The following CCDC138 variants were observed in gnomAD, a reference collection of about 807,000 sequenced individuals.
The protein encoded by CCDC138 is coiled-coil domain-containing protein 138.
Under a neutral mutation model 82.3 loss-of-function variants are expected in CCDC138, and 66 were observed. The ratio of observed to expected loss-of-function variants is 0.80; its 90% confidence interval spans 0.66 to 0.98. The LOEUF is 0.98. Among genes scored for constraint, CCDC138 ranks in the 50% least tolerant of loss-of-function variants. The probability of loss-of-function intolerance (pLI) is 0.00; values close to 1 mark genes in which losing one functional copy is unlikely to be tolerated. For missense variants in CCDC138, 816 were observed against 758.9 expected (o/e 1.08, Z -0.88); for synonymous variants, 297 against 265.4 (o/e 1.12, Z -1.16).
intron 10 of CCDC138, among the ~76,000 whole-genome samples, chr2:108,834,839 G>A (rs1688317372): frequency 1.3e-5 from 2 of 152,156 alleles, no homozygotes; most frequent in South Asian, 2.1e-4. Flanking sequence ...TCTCATGTAA[G>A]TGGCACCACA....
chr2:108,820,384 G>T (rs79999091), intron 10 of CCDC138, among the ~76,000 whole-genome samples: 3,101 of 152,236 alleles, frequency 0.02, 110 homozygotes, highest in African/African-American at 0.071. Context: ...GGAATGAGAA[G>T]AGAGAAGGAG....
At chr2:108,859,559 T>C (rs548912280) in intron 13 of CCDC138, among the ~76,000 whole-genome samples, 28 of 152,248 alleles carry the variant, frequency 1.8e-4, no homozygotes, top group Non-Finnish European at 3.1e-4. Flanking sequence ...TTGTTCCATC[T>C]TGAGTTAATT....
chr2:108,844,189 A>C (rs946530180), intron 11 of CCDC138, among the ~76,000 whole-genome samples: 1 of 150,706 alleles, frequency 6.6e-6, no homozygotes, highest in Non-Finnish European at 1.5e-5. Context: ...GCCCTACCTG[A>C]TTTTTCCTTT....
intron 6 of CCDC138, among the ~76,000 whole-genome samples, chr2:108,802,172 A>T (rs1483424623): frequency 1.8e-4 from 25 of 140,318 alleles, no homozygotes; most frequent in African/African-American, 6.5e-4. Flanking sequence ...GAAGAAAGTC[A>T]TTGGTAGCTT....
At chr2:108,829,080 G>C (rs1687103711) in intron 10 of CCDC138, among the ~76,000 whole-genome samples, 1 of 152,150 alleles carries the variant, frequency 6.6e-6, no homozygotes, top group South Asian at 2.1e-4. Flanking sequence ...CATGATATTA[G>C]ATTTGGCAGT....
At chr2:108,841,955 G>C (rs778335725) in intron 11 of CCDC138, among the ~76,000 whole-genome samples, 2 of 151,892 alleles carry the variant, frequency 1.3e-5, no homozygotes, top group Non-Finnish European at 2.9e-5. Context: ...TTTTAATTTA[G>C]GATCTTTAAG....
intron 10 of CCDC138, among the ~76,000 whole-genome samples, chr2:108,837,389 A>G (rs1688745160): frequency 1.3e-5 from 2 of 152,234 alleles, no homozygotes; most frequent in South Asian, 4.1e-4. Context: ...AATCTCACTT[A>G]GTCATGGCGT....
chr2:108,873,491 AT>A lies in CCDC138; in HGVS notation c.1740del (p.Arg581ValfsTer17). ...PFLEACSNSL[F>X]FRTCSVLLRA... Reference sequence around the variant, plus strand: ...TCCTGGAAGCCTGTAGCAACTCTTTATTTTTTCGTACTTGCTCTGTGCTGCT... The same window carrying A: ...TCCTGGAAGCCTGTAGCAACTCTTTATTTTTCGTACTTGCTCTGTGCTGCT... On this transcript the variant is annotated frameshift_variant, in exon 14 of 15. Transcript: ENST00000295124. LOFTEE classifies it high-confidence loss of function. 1 of 1,607,326 alleles carries A rather than the reference AT, an allele frequency of 6.2e-7. No individual in the cohort carries two copies. Among genetic ancestry groups the A allele is most frequent in the Non-Finnish European group, 8.5e-7 (1 of 1,177,114 alleles).
Position 108,853,983 on chromosome 2 carries a change from AATATATAATAAATTTATATTATATATAAT to A in CCDC138, c.1517-2805_1517-2777del, listed in dbSNP as rs1451453423. Among the ~76,000 whole-genome samples the A allele has an allele frequency of 5.3e-4, 5 of 9,426 alleles. No individual in the cohort carries two copies. The East Asian group carries it at 0.043, about 82-fold the overall frequency. The allele number at this position is 9,426 out of a possible 152,430, so 6.2% of individuals were successfully genotyped here. On this transcript the variant is annotated intron_variant, in intron 12 of 14. Coordinates refer to ENST00000295124, the MANE Select transcript of CCDC138 (RefSeq NM_144978.3). ...ATATAATAAAATATATATAATATAT[AATATATAATAAATTTATATTATATATAAT>A]ATATAATAAATTTATATTATATATA...
intron 11 of CCDC138, among the ~76,000 whole-genome samples, chr2:108,845,213 A>G (rs1690237626): frequency 6.6e-6 from 1 of 152,186 alleles, no homozygotes; most frequent in South Asian, 2.1e-4. Flanking sequence ...GTTTAAAAAC[A>G]TGTATTTTTT....
At chr2:108,793,061 C>CA (rs1374204558) in intron 4 of CCDC138, among the ~76,000 whole-genome samples, 42 of 116,308 alleles carry the variant, frequency 3.6e-4, no homozygotes, top group African/African-American at 5.0e-4. Context: ...GACTCTGTCT[C>CA]AAAAAAAAAA....
At chr2:108,877,219 G>A (rs1223673622), downstream of CCDC138, among the ~76,000 whole-genome samples, 1 of 152,094 alleles carries the variant, frequency 6.6e-6, no homozygotes, top group Non-Finnish European at 1.5e-5. Context: ...TGTAATCCCA[G>A]CACTCTAGGA....
intron 10 of CCDC138, among the ~76,000 whole-genome samples, chr2:108,829,461 A>G (rs565686149): frequency 6.6e-6 from 1 of 151,324 alleles, no homozygotes; most frequent in Non-Finnish European, 1.5e-5. Context: ...ATGTTTATTT[A>G]AAAAATAAAC....
intron 12 of CCDC138, among the ~76,000 whole-genome samples, chr2:108,853,900 T>C (rs1410806422): frequency 8.4e-6 from 1 of 119,074 alleles, no homozygotes; most frequent in Admixed American, 1.1e-4. Flanking sequence ...AGTATATATA[T>C]TATATATTAT....
At chr2:108,875,336 A>C (rs1212431073) in intron 14 of CCDC138, among the ~76,000 whole-genome samples, 1 of 124,604 alleles carries the variant, frequency 8.0e-6, no homozygotes, top group Non-Finnish European at 1.6e-5. Flanking sequence ...AAAAAAAAAA[A>C]GAAACAAATT....
chr2:108,841,679 A>G (rs1223531831), intron 11 of CCDC138, among the ~76,000 whole-genome samples: 1 of 152,152 alleles, frequency 6.6e-6, no homozygotes, highest in East Asian at 1.9e-4. Flanking sequence ...ATTTAGAAAA[A>G]ATAAACTTTG....
intron 13 of CCDC138, among the ~76,000 whole-genome samples, chr2:108,873,075 GTTTT>G (rs1015707719): frequency 2.0e-5 from 3 of 151,654 alleles, no homozygotes; most frequent in African/African-American, 7.3e-5. Flanking sequence ...TCTTTGATTT[GTTTT>G]TTGTTTTTTT....
downstream of CCDC138, among the ~76,000 whole-genome samples, chr2:108,880,763 C>G (rs377310835): frequency 1.3e-5 from 2 of 152,154 alleles, no homozygotes; most frequent in East Asian, 3.8e-4. Context: ...AAAAAAGACT[C>G]CTCTGAAAAC....
At chr2:108,789,678 T>C (rs546725512) in intron 3 of CCDC138, among the ~76,000 whole-genome samples, 2 of 152,300 alleles carry the variant, frequency 1.3e-5, no homozygotes, top group South Asian at 2.1e-4. Context: ...TGTCTGGTAT[T>C]GTATGCATTG....
Sources: allele counts gnomAD v4.1 joint callset (sites outside exome capture counted in the v4.1 genomes callset), GRCh38; gene constraint gnomAD v4.1.1; transcripts MANE v1.5; gene names NCBI Gene and HGNC (gene_info 2026-07-23, HGNC 2026-07-21).